PRKCH: variants seen among roughly 807,000 people sequenced by gnomAD.
PRKCH encodes protein kinase C eta type.
PRKCH carries 28 observed loss-of-function variants against 82.5 expected under a neutral mutation model. That is an observed-to-expected ratio of 0.34 (90% confidence interval 0.25 to 0.47). The LOEUF is 0.47. Among genes scored for constraint, PRKCH ranks in the 20% least tolerant of loss-of-function variants. PRKCH has a pLI of 1.00. For missense variants in PRKCH, 705 were observed against 881.8 expected (o/e 0.80, Z 2.54); for synonymous variants, 322 against 327.4 (o/e 0.98, Z 0.18).
At chr14:61,370,957 G>A (rs555826630) in intron 1 of PRKCH, among the ~76,000 whole-genome samples, 3 of 151,962 alleles carry the variant, frequency 2.0e-5, no homozygotes, top group Non-Finnish European at 2.9e-5. Context: ...ATGACTTAAC[G>A]TTAACATGGG....
chr14:61,296,788 G>A lies in PRKCH; in HGVS notation c.-19+109120G>A, dbSNP rs546793201. Reference sequence around the variant, plus strand: ...TTGTTTCTGTGGGAATAGTGTATACGCATGAGGAACCCTATGTATTATAGT... The same window carrying A: ...TTGTTTCTGTGGGAATAGTGTATACACATGAGGAACCCTATGTATTATAGT... On this transcript the variant is annotated intron_variant, in intron 1 of 3. Coordinates refer to the PRKCH transcript ENST00000555185. 1.7e-4 allele frequency among the ~76,000 whole-genome samples: 26 copies of A among 152,250 alleles called. No homozygotes were observed. The East Asian group carries it at 4.0e-3, about 24-fold the overall frequency.
intron 1 of PRKCH, among the ~76,000 whole-genome samples, chr14:61,311,554 CGT>C (rs1288575413): frequency 1.3e-5 from 2 of 152,202 alleles, no homozygotes; most frequent in African/African-American, 4.8e-5. Context: ...CCAACGTCTG[CGT>C]GTTACCCAGT....
chr14:61,527,211 C>A (rs1468749592), intron 10 of PRKCH, among the ~76,000 whole-genome samples: 5 of 152,188 alleles, frequency 3.3e-5, no homozygotes, highest in Non-Finnish European at 7.3e-5. Context: ...TATTCACTTC[C>A]TTCCACATGA....
chr14:61,467,198 GCT>G (rs1030992921), intron 9 of PRKCH, among the ~76,000 whole-genome samples: 16 of 152,332 alleles, frequency 1.1e-4, no homozygotes, highest in African/African-American at 2.9e-4. Context: ...CAGCACAAGA[GCT>G]CTGAGTTCTA....
chr14:61,228,752 C>T (rs1029357301), intron 1 of PRKCH, among the ~76,000 whole-genome samples: 4 of 151,952 alleles, frequency 2.6e-5, no homozygotes, highest in Non-Finnish European at 5.9e-5. Context: ...TCTAAAGTTA[C>T]AAAATGTGTC....
At chr14:61,193,873 C>A (rs1312842232) in intron 1 of PRKCH, among the ~76,000 whole-genome samples, 1 of 152,202 alleles carries the variant, frequency 6.6e-6, no homozygotes, top group African/African-American at 2.4e-5. Flanking sequence ...TATCTTCTTT[C>A]TGTCTTCCTC....
At chr14:61,382,707 CA>C (rs1161100646) in intron 1 of PRKCH, among the ~76,000 whole-genome samples, 2 of 152,150 alleles carry the variant, frequency 1.3e-5, no homozygotes, top group African/African-American at 2.4e-5. Context: ...GAGGTTTGCT[CA>C]AAGCCCATAG....
intron 1 of PRKCH, among the ~76,000 whole-genome samples, chr14:61,188,338 T>C (rs1350317631): frequency 6.6e-6 from 1 of 152,120 alleles, no homozygotes; most frequent in Non-Finnish European, 1.5e-5. Flanking sequence ...AGGAGGAGGA[T>C]GCAGGCTCAG....
chr14:61,199,672 C>T (rs1594848373), intron 1 of PRKCH, among the ~76,000 whole-genome samples: 1 of 151,958 alleles, frequency 6.6e-6, no homozygotes, highest in African/African-American at 2.4e-5. Flanking sequence ...TAAAATGCCA[C>T]AGTCAATGTA....
chr14:61,537,635 C>T (rs1419360619), intron 12 of PRKCH: 1 of 152,160 alleles, frequency 6.6e-6, no homozygotes, highest in Non-Finnish European at 1.5e-5. Flanking sequence ...CAAGAAATCA[C>T]GTGACTCAGG....
At position 61,280,884 on chromosome 14, in the gene PRKCH, C is replaced by A. The variant is rs2045256606; in HGVS notation, c.-19+93216C>A. Reference sequence around the variant, plus strand: ...ACCAGGCGCACGAGCAGGGGGGCGGCAGCGCCCGGCCCTGGCCAGCCGCGG... The same window carrying A: ...ACCAGGCGCACGAGCAGGGGGGCGGAAGCGCCCGGCCCTGGCCAGCCGCGG... On this transcript the variant is annotated intron_variant, in intron 1 of 3. Coordinates refer to the PRKCH transcript ENST00000555185. The surrounding 1 kb of genome is among the most constrained non-coding windows in gnomAD (Gnocchi z 5.0). 2 of 1,555,302 alleles carry A rather than the reference C, an allele frequency of 1.3e-6. No homozygotes were observed. The highest frequency in any genetic ancestry group is 2.7e-5 in the African/African-American group (2 of 73,602).
intron 1 of PRKCH, among the ~76,000 whole-genome samples, chr14:61,268,587 G>A (rs1452949944): frequency 6.6e-6 from 1 of 152,140 alleles, no homozygotes; most frequent in Non-Finnish European, 1.5e-5. Context: ...AGAATCACTT[G>A]AACCCGGGAG....
intron 1 of PRKCH, among the ~76,000 whole-genome samples, chr14:61,296,857 A>G (rs575697059): frequency 6.6e-6 from 1 of 152,340 alleles, no homozygotes; most frequent in East Asian, 1.9e-4. Flanking sequence ...TAAAGTGCAT[A>G]TAAGTTATGG....
At chr14:61,408,797 C>T (rs922068585) in intron 2 of PRKCH, among the ~76,000 whole-genome samples, 1 of 152,204 alleles carries the variant, frequency 6.6e-6, no homozygotes, top group Non-Finnish European at 1.5e-5. Flanking sequence ...TGCCCCCTTT[C>T]TCGGCCATTG....
chr14:61,317,374 A>G (rs549774518), upstream of PRKCH, among the ~76,000 whole-genome samples: 1 of 152,186 alleles, frequency 6.6e-6, no homozygotes, highest in South Asian at 2.1e-4. Flanking sequence ...ACAACTCCCT[A>G]CTGAAACTGT....
intron 1 of PRKCH, among the ~76,000 whole-genome samples, chr14:61,216,889 G>C (rs570583057): frequency 6.6e-6 from 1 of 152,186 alleles, no homozygotes; most frequent in Non-Finnish European, 1.5e-5. Context: ...AAGTTATTCT[G>C]GCGTTTAAAA....
intron 1 of PRKCH, among the ~76,000 whole-genome samples, chr14:61,202,101 G>A (rs2044486053): frequency 6.6e-6 from 1 of 152,200 alleles, no homozygotes; most frequent in African/African-American, 2.4e-5. Flanking sequence ...GTGGCACCAA[G>A]TGGGATGAGG....
At chr14:61,387,913 T>C (rs1427271400) in intron 1 of PRKCH, among the ~76,000 whole-genome samples, 1 of 152,140 alleles carries the variant, frequency 6.6e-6, no homozygotes, top group African/African-American at 2.4e-5. Flanking sequence ...TTTGGGAGGC[T>C]GAGGTGGACA....
intron 1 of PRKCH, among the ~76,000 whole-genome samples, chr14:61,234,403 G>A (rs12434834): frequency 0.14 from 21,462 of 151,984 alleles, 2,205 homozygotes; most frequent in African/African-American, 0.27. Flanking sequence ...GGTAAGAATT[G>A]CATAGTCATC....
Sources: gnomAD v4.1 joint callset for allele counts (sites outside exome capture counted in the v4.1 genomes callset) on GRCh38, gnomAD v4.1.1 for gene constraint, Gnocchi (gnomAD v3.1) non-coding constraint, MANE v1.5 for transcripts, NCBI Gene and HGNC (gene_info 2026-07-23, HGNC 2026-07-21) for gene names.